CNTN5: variants seen among roughly 807,000 people sequenced by gnomAD.
CNTN5 encodes contactin-5.
In CNTN5, 77 loss-of-function variants were observed where a neutral mutation model predicts 129.1. The ratio of observed to expected loss-of-function variants is 0.60; its 90% CI spans 0.50 to 0.72. CNTN5 has a LOEUF of 0.72. Ranked by LOEUF, CNTN5 falls within the 30% of genes least tolerant of loss-of-function variation. CNTN5 has a pLI of 0.00. For missense variants in CNTN5, 1,478 were observed against 1,328.8 expected, an observed-to-expected ratio of 1.11 and a Z score of -1.75; for synonymous variants, 509 against 465.6, an observed-to-expected ratio of 1.09 and a Z score of -1.20.
chr11:99,186,563 A>G (rs1858361173), intron 1 of CNTN5, among the ~76,000 whole-genome samples: 1 of 152,006 alleles, frequency 6.6e-6, no homozygotes. Flanking sequence ...GTTTTTGCCA[A>G]TCTCATATAC....
At chr11:99,722,442 A>G (rs1373889704) in intron 3 of CNTN5, among the ~76,000 whole-genome samples, 1 of 152,036 alleles carries the variant, frequency 6.6e-6, no homozygotes, top group Non-Finnish European at 1.5e-5. Context: ...AGAACTTATG[A>G]ACACAAAGAC....
At chr11:99,321,348 T>C (rs1194117149) in intron 1 of CNTN5, among the ~76,000 whole-genome samples, 1 of 148,990 alleles carries the variant, frequency 6.7e-6, no homozygotes, top group Non-Finnish European at 1.5e-5. Context: ...TTTATATACA[T>C]TATATATATA....
chr11:99,714,583 T>G (rs956926315), intron 3 of CNTN5, among the ~76,000 whole-genome samples: 4 of 151,968 alleles, frequency 2.6e-5, no homozygotes, highest in Admixed American at 2.6e-4. Context: ...ACATGCATTA[T>G]CTTAAGAATA....
chr11:99,659,491 CAG>C (rs1186616764), intron 3 of CNTN5, among the ~76,000 whole-genome samples: 1 of 152,006 alleles, frequency 6.6e-6, no homozygotes, highest in Non-Finnish European at 1.5e-5. Flanking sequence ...TTCAGAAAAA[CAG>C]AACAAATTGG....
intron 4 of CNTN5, among the ~76,000 whole-genome samples, chr11:99,820,347 C>G (rs1293028205): frequency 1.0e-4 from 16 of 152,388 alleles, no homozygotes; most frequent in Admixed American, 5.2e-4. Flanking sequence ...GGTTTTATTT[C>G]TGGAAGTGTA....
At chr11:99,940,710 A>G (rs1950415649) in intron 7 of CNTN5, among the ~76,000 whole-genome samples, 1 of 152,146 alleles carries the variant, frequency 6.6e-6, no homozygotes, top group African/African-American at 2.4e-5. Flanking sequence ...CTTAGCTGAG[A>G]ACTTCATTAG....
chr11:99,437,972 A>T (rs1030849586), intron 2 of CNTN5, among the ~76,000 whole-genome samples: 3 of 151,108 alleles, frequency 2.0e-5, no homozygotes, highest in Non-Finnish European at 2.9e-5. Context: ...TCTAGATGAG[A>T]TTCTGTTCCA....
intron 3 of CNTN5, among the ~76,000 whole-genome samples, chr11:99,646,809 T>TAAA (rs5794011): frequency 2.3e-5 from 3 of 131,810 alleles, no homozygotes; most frequent in Admixed American, 7.6e-5. Context: ...TGTCAATTCT[T>TAAA]AAAAAAAAAA....
chr11:99,982,866 C>A (rs150157679), intron 8 of CNTN5, among the ~76,000 whole-genome samples: 3 of 152,110 alleles, frequency 2.0e-5, no homozygotes, highest in Admixed American at 6.5e-5. Flanking sequence ...TGGTCTCGAT[C>A]TCCTGACCTC....
chr11:99,577,477 G>A (rs1263280492), intron 3 of CNTN5, among the ~76,000 whole-genome samples: 1 of 152,104 alleles, frequency 6.6e-6, no homozygotes, highest in Admixed American at 6.6e-5. Flanking sequence ...CTAGATTAAC[G>A]TACAGAGTTA....
chr11:99,391,846 A>G (rs936848199), intron 2 of CNTN5, among the ~76,000 whole-genome samples: 8 of 151,992 alleles, frequency 5.3e-5, no homozygotes, highest in Non-Finnish European at 2.9e-5. Flanking sequence ...ATAAGGGCAC[A>G]AGAGTCAGAA....
chr11:99,620,892 T>A (rs12790118), intron 3 of CNTN5, among the ~76,000 whole-genome samples: 1 of 150,986 alleles, frequency 6.6e-6, no homozygotes, highest in Non-Finnish European at 1.5e-5. Context: ...ATAAAAACTT[T>A]AGAGAAATTT....
chr11:100,210,112 G>A (rs1948996063), intron 15 of CNTN5, among the ~76,000 whole-genome samples: 1 of 148,104 alleles, frequency 6.8e-6, no homozygotes, highest in Admixed American at 6.9e-5. Flanking sequence ...GGGGCCAGTG[G>A]ATCACCTGAG....
At chr11:99,895,344 C>T (rs995343417) in intron 6 of CNTN5, among the ~76,000 whole-genome samples, 1 of 152,222 alleles carries the variant, frequency 6.6e-6, no homozygotes, top group African/African-American at 2.4e-5. Context: ...ATGAAAACTT[C>T]TCATACCCTA....
chr11:99,887,759 C>T (rs1200585460), intron 6 of CNTN5, among the ~76,000 whole-genome samples: 1 of 152,182 alleles, frequency 6.6e-6, no homozygotes, highest in Non-Finnish European at 1.5e-5. Context: ...AGGAAGCGTC[C>T]AGCACAGGAG....
intron 1 of CNTN5, among the ~76,000 whole-genome samples, chr11:99,079,884 G>T (rs1203405022): frequency 1.3e-5 from 2 of 152,104 alleles, no homozygotes; most frequent in African/African-American, 4.8e-5. Flanking sequence ...TGCCACCATT[G>T]CTTCTTGCAC....
At chr11:99,677,715 A>G (rs1953353615) in intron 3 of CNTN5, among the ~76,000 whole-genome samples, 1 of 150,704 alleles carries the variant, frequency 6.6e-6, no homozygotes, top group African/African-American at 2.5e-5. Flanking sequence ...TTTATTCTAC[A>G]TCCTTCTTTT....
intron 1 of CNTN5, among the ~76,000 whole-genome samples, chr11:99,061,547 T>A (rs567818905): frequency 6.6e-6 from 1 of 152,176 alleles, no homozygotes; most frequent in East Asian, 1.9e-4. Flanking sequence ...TACTTCAGGC[T>A]CTCAAGAAAA....
intron 1 of CNTN5, among the ~76,000 whole-genome samples, chr11:99,177,102 C>CATCTTA (rs1461445461): frequency 6.6e-6 from 1 of 151,158 alleles, no homozygotes; most frequent in African/African-American, 2.4e-5. Context: ...CTGTCTGGAA[C>CATCTTA]ATCTTACCAT....
Sources: allele counts gnomAD v4.1 joint callset (sites outside exome capture counted in the v4.1 genomes callset), GRCh38; gene constraint gnomAD v4.1.1; transcripts MANE v1.5; gene names NCBI Gene and HGNC (gene_info 2026-07-23, HGNC 2026-07-21).